Variants in IFT140 observed in about 807,000 individuals in gnomAD.
IFT140 encodes intraflagellar transport 140, also known as intraflagellar transport protein 140 homolog.
Under a neutral mutation model 164.6 loss-of-function variants are expected in IFT140, and 133 were observed. The observed-to-expected ratio is 0.81, with a 90% CI of 0.70 to 0.93. The LOEUF is 0.93. IFT140 is among the 40% of genes least tolerant of loss of function. The pLI, the probability that IFT140 is intolerant of heterozygous loss-of-function variation, is 0.00. For missense variants in IFT140, 2,045 were observed against 1,972.3 expected (o/e 1.04, Z -0.70); for synonymous variants, 860 against 817.3 (o/e 1.05, Z -0.89).
chr16:1,606,834 A>ACACACACACGTGTG (rs1291068733), intron 3 of IFT140, among the ~76,000 whole-genome samples: 1 of 152,052 alleles, frequency 6.6e-6, no homozygotes, highest in Admixed American at 6.6e-5. Flanking sequence ...CCACACGCAC[A>ACACACACACGTGTG]CACACACACG....
chr16:1,518,309 G>A lies in IFT140; in HGVS notation c.4089C>T (p.Leu1363=). The A allele has an allele frequency of 6.2e-7, 1 of 1,614,060 alleles. No homozygotes were observed. The highest frequency in any genetic ancestry group is 8.5e-7 in the Non-Finnish European group (1 of 1,179,990). ...PKESIKQCEL[L]LEEPDLDSTI... ...TGCTGTCCAGGTCTGGTTCCTCCAG[G>A]AGCAGCTCACACTGCTTGATGGACT... The change falls in exon 30 of 31, where the codon CTC becomes CTT. Residue 1363 remains leucine, a synonymous_variant. Coordinates refer to ENST00000426508, the MANE Select transcript of IFT140 (RefSeq NM_014714.4).
rs1181340462 is a variant in IFT140, at chr16:1,554,011, G to A, written c.2399+3924C>T. The A allele has an allele frequency of 3.1e-6, 4 of 1,287,196 alleles. No homozygotes were observed. The South Asian group carries it at 4.9e-5, about 16-fold the overall frequency. 79.7% of individuals were successfully genotyped at this position (1,287,196 alleles called of 1,614,324 possible). Reference sequence around the variant, plus strand: ...GCTGCGCCAACCAAGGGTTGCTCACGGCCCACCTCTCCTTCTCTGGTTTCA... The same window carrying A: ...GCTGCGCCAACCAAGGGTTGCTCACAGCCCACCTCTCCTTCTCTGGTTTCA... On this transcript the variant is annotated intron_variant, in intron 19 of 30. Transcript: ENST00000426508.
chr16:1,524,064 C>A, intron 24 of IFT140, 108 bp from the exon 25 acceptor site: 2 of 1,395,388 alleles, frequency 1.4e-6, no homozygotes, highest in Non-Finnish European at 1.9e-6. Flanking sequence ...CTTTGACACA[C>A]TGCTCAGCGA....
chr16:1,556,366 C>T (rs2033082359), intron 19 of IFT140, among the ~76,000 whole-genome samples: 1 of 152,272 alleles, frequency 6.6e-6, no homozygotes, highest in Admixed American at 6.5e-5. Context: ...GCTGCAACCA[C>T]AGTCCTGGTG....
At chr16:1,541,657 G>C (rs2031649745) in intron 19 of IFT140, 1 of 324,834 alleles carries the variant, frequency 3.1e-6, no homozygotes, top group South Asian at 1.2e-4. Flanking sequence ...GCAGAGTAGG[G>C]CCCGTCCCTG....
rs1455935558 is a variant in IFT140 at position 1,531,761 on chromosome 16, G to A, written c.2400-4965C>T. ...ACCTGGAGCACCCCAGAAGTGCCAG[G>A]AGAGTGGAGGCCGATGCTGGCCTCT... On this transcript the variant is annotated intron_variant, in intron 19 of 30. Transcript: ENST00000426508. The surrounding 1 kb of genome is among the most constrained non-coding windows in gnomAD (Gnocchi z 4.7). 1 of 152,294 alleles carries A rather than the reference G, an allele frequency of 6.6e-6. No homozygotes were observed. The highest frequency in any genetic ancestry group is 1.5e-5 in the Non-Finnish European group (1 of 68,072). 9.4% of individuals were successfully genotyped at this position (152,294 alleles called of 1,614,324 possible).
rs934460322 is a variant in IFT140, at chr16:1,525,972, G to A, written c.2683C>T (p.His895Tyr). The A allele has an allele frequency of 2.1e-5, 33 of 1,590,652 alleles. No homozygotes were observed. Among genetic ancestry groups the A allele is most frequent in the Non-Finnish European group, 2.6e-5 (30 of 1,169,724 alleles). ...WQEALQVAEH[H>Y]DRVHLRSTYH... ...GTGCTGCGCAGGTGCACGCGATCGTGGTGCTCGGCTACCTGGAGGGCCTCC... is the reference window on the plus strand; with the variant it reads ...GTGCTGCGCAGGTGCACGCGATCGTAGTGCTCGGCTACCTGGAGGGCCTCC... Residue 895 changes from histidine to tyrosine, a missense_variant, in exon 21 of 31, where the codon CAC (histidine) becomes TAC (tyrosine). By Grantham distance (83) the His-to-Tyr change is moderately conservative. Coordinates refer to ENST00000426508, the MANE Select transcript of IFT140 (RefSeq NM_014714.4).
In IFT140 at chr16:1,512,625, C is replaced by G. The variant is rs542804442; in HGVS notation, c.4183-1475G>C. 2.6e-5 allele frequency among the ~76,000 whole-genome samples: 4 copies of G among 152,140 alleles called. No homozygotes were observed. The East Asian group carries it at 7.7e-4, about 29-fold the overall frequency. ...TCTCTACTCCAATTTTGCTTTTATACGGAAAACTATAGTTCTCCTAGAAAT... is the reference window on the plus strand; with the variant it reads ...TCTCTACTCCAATTTTGCTTTTATAGGGAAAACTATAGTTCTCCTAGAAAT... On this transcript the variant is annotated intron_variant, in intron 30 of 30. Transcript: ENST00000426508.
chr16:1,523,751 C>T, intron 25 of IFT140, 51 bp from the exon 26 acceptor site: 1 of 1,605,934 alleles, frequency 6.2e-7, no homozygotes, highest in Non-Finnish European at 8.5e-7. Context: ...GGGGCCCGAG[C>T]ACGGAGGCCT....
At chr16:1,595,603 GAAA>G (rs548658471) in intron 4 of IFT140, among the ~76,000 whole-genome samples, 2 of 82,530 alleles carry the variant, frequency 2.4e-5, no homozygotes, top group Non-Finnish European at 5.2e-5. Context: ...CTCCATCTCA[GAAA>G]AAAAAAAAAA....
intron 2 of IFT140, among the ~76,000 whole-genome samples, chr16:1,608,071 G>A (rs767498977): frequency 2.0e-5 from 3 of 150,558 alleles, no homozygotes; most frequent in Non-Finnish European, 4.4e-5. Flanking sequence ...CTGACTCACA[G>A]GTGGTAGAAG....
intron 2 of IFT140, among the ~76,000 whole-genome samples, chr16:1,608,114 T>C (rs902168327): frequency 1.3e-5 from 2 of 152,176 alleles, no homozygotes; most frequent in Non-Finnish European, 2.9e-5. Context: ...GAGTCAAGAA[T>C]GCACAGCCGC....
chr16:1,558,581 G>T (rs1206466215), intron 18 of IFT140, among the ~76,000 whole-genome samples: 2 of 152,192 alleles, frequency 1.3e-5, no homozygotes, highest in Non-Finnish European at 2.9e-5. Flanking sequence ...CTTGCTGGAG[G>T]CCCATCCTCA....
At chr16:1,539,161 G>A (rs1003010909) in intron 19 of IFT140, among the ~76,000 whole-genome samples, 4 of 150,232 alleles carry the variant, frequency 2.7e-5, no homozygotes, top group Non-Finnish European at 1.5e-5. Context: ...TCACCAAGCT[G>A]CACAGTGCCA....
chr16:1,538,902 C>T (rs933339991), intron 19 of IFT140, among the ~76,000 whole-genome samples: 1 of 152,216 alleles, frequency 6.6e-6, no homozygotes, highest in African/African-American at 2.4e-5. Context: ...TCTGCCTCAA[C>T]CCTGGCTCCT....
chr16:1,553,542 C>A lies in IFT140; in HGVS notation c.2399+4393G>T. ...GGGACATGGACAAGTCCTCTATGGACAAGAGGGGCTGGAGAGTTTAATCTG... is the reference window on the plus strand; with the variant it reads ...GGGACATGGACAAGTCCTCTATGGAAAAGAGGGGCTGGAGAGTTTAATCTG... On this transcript the variant is annotated intron_variant, in intron 19 of 30. Transcript: ENST00000426508. The surrounding 1 kb of genome is among the most constrained non-coding windows in gnomAD (Gnocchi z 4.4). The A allele has an allele frequency of 1.0e-6, 1 of 997,708 alleles. No individual in the cohort carries two copies. The highest frequency in any genetic ancestry group is 1.2e-6 in the Non-Finnish European group (1 of 836,510). The allele number at this position is 997,708 out of a possible 1,614,324, so 61.8% of individuals were successfully genotyped here. A position where few individuals can be genotyped will look rare whatever the true frequency, so the allele number is the denominator to read the frequency against.
intron 19 of IFT140, among the ~76,000 whole-genome samples, chr16:1,536,487 G>A (rs568592501): frequency 6.6e-6 from 1 of 152,356 alleles, no homozygotes; most frequent in African/African-American, 2.4e-5. Flanking sequence ...GCATCTGCAG[G>A]TGGCTGACCC....
At chr16:1,542,588 C>A (rs778904076) in intron 19 of IFT140, among the ~76,000 whole-genome samples, 6 of 152,236 alleles carry the variant, frequency 3.9e-5, no homozygotes, top group African/African-American at 7.2e-5. Context: ...CTTCCTAGGA[C>A]CTGCCTGGGG....
chr16:1,548,323 T>C (rs868182607), intron 19 of IFT140, among the ~76,000 whole-genome samples: 1 of 152,192 alleles, frequency 6.6e-6, no homozygotes, highest in Admixed American at 6.5e-5. Flanking sequence ...CCTGTGTGCA[T>C]GTGTGACAGC....
Sources: gnomAD v4.1 joint callset for allele counts (sites outside exome capture counted in the v4.1 genomes callset) on GRCh38, gnomAD v4.1.1 for gene constraint, Gnocchi (gnomAD v3.1) non-coding constraint, MANE v1.5 for transcripts, NCBI Gene and HGNC (gene_info 2026-07-23, HGNC 2026-07-21) for gene names.